Variants in MAGI1 observed in about 807,000 individuals in gnomAD.
The protein encoded by MAGI1 is membrane-associated guanylate kinase, WW and PDZ domain-containing protein 1.
In MAGI1, 58 loss-of-function variants were observed where a neutral mutation model predicts 139.9. That is an observed-to-expected ratio of 0.41 (90% confidence interval 0.34 to 0.52). MAGI1 has a LOEUF of 0.52. Among genes scored for constraint, MAGI1 ranks in the 20% least tolerant of loss-of-function variants. The probability of loss-of-function intolerance (pLI) is 0.12; values close to 1 mark genes in which losing one functional copy is unlikely to be tolerated. For synonymous variants in MAGI1, 812 were observed against 737.9 expected (o/e 1.10, Z -1.63); for missense variants, 1,874 against 1,901.6 (o/e 0.99, Z 0.27).
intron 9 of MAGI1, among the ~76,000 whole-genome samples, chr3:65,438,528 G>A (rs1405587491): frequency 6.6e-6 from 1 of 152,188 alleles, no homozygotes; most frequent in Non-Finnish European, 1.5e-5. Context: ...TATATGAGAA[G>A]AGTTCTTTTT....
chr3:65,737,119 C>T (rs1452509028), intron 1 of MAGI1, among the ~76,000 whole-genome samples: 6 of 152,178 alleles, frequency 3.9e-5, no homozygotes, highest in Non-Finnish European at 7.3e-5. Context: ...ATTCTCCTGC[C>T]TCAGCCTCCT....
At chr3:65,974,540 CT>C (rs1644933698) in intron 1 of MAGI1, among the ~76,000 whole-genome samples, 1 of 152,254 alleles carries the variant, frequency 6.6e-6, no homozygotes, top group East Asian at 1.9e-4. Context: ...CATTTATTAT[CT>C]GACAGTTTCT....
chr3:65,780,875 C>T (rs978947002), intron 1 of MAGI1, among the ~76,000 whole-genome samples: 3 of 152,222 alleles, frequency 2.0e-5, no homozygotes, highest in South Asian at 2.1e-4. Context: ...GCCATGACTA[C>T]GGGTGATTTT....
chr3:65,912,275 C>T (rs915805404), intron 1 of MAGI1, among the ~76,000 whole-genome samples: 12 of 146,130 alleles, frequency 8.2e-5, no homozygotes, highest in Admixed American at 6.9e-5. Context: ...CTAAATCATA[C>T]ACATCGTGTT....
At chr3:65,720,651 A>G (rs1440175072) in intron 1 of MAGI1, among the ~76,000 whole-genome samples, 1 of 152,166 alleles carries the variant, frequency 6.6e-6, no homozygotes, top group Non-Finnish European at 1.5e-5. Flanking sequence ...CTTCCCTTTC[A>G]TACCAAGTGG....
chr3:65,507,763 T>A (rs2077359479), intron 2 of MAGI1, among the ~76,000 whole-genome samples: 1 of 152,254 alleles, frequency 6.6e-6, no homozygotes, highest in Admixed American at 6.5e-5. Context: ...ATTCTCACAT[T>A]ATGTGGTACT....
intron 6 of MAGI1, among the ~76,000 whole-genome samples, chr3:65,449,774 C>CA (rs1197041096): frequency 6.6e-6 from 1 of 151,980 alleles, no homozygotes; most frequent in Non-Finnish European, 1.5e-5. Context: ...GACTCCATCT[C>CA]AAAAAACAGA....
intron 1 of MAGI1, among the ~76,000 whole-genome samples, chr3:65,773,865 A>G (rs373538032): frequency 3.3e-5 from 5 of 152,268 alleles, no homozygotes; most frequent in Admixed American, 6.5e-5. Context: ...TAAAATTTTT[A>G]TATCTCATTG....
intron 1 of MAGI1, among the ~76,000 whole-genome samples, chr3:65,675,479 A>T (rs565584796): frequency 2.0e-5 from 3 of 152,196 alleles, no homozygotes; most frequent in Non-Finnish European, 2.9e-5. Context: ...AACACAGAAA[A>T]AATTATTTAT....
intron 1 of MAGI1, among the ~76,000 whole-genome samples, chr3:65,627,954 T>C (rs1359979457): frequency 6.6e-6 from 1 of 152,186 alleles, no homozygotes; most frequent in Non-Finnish European, 1.5e-5. Context: ...TTGTATAATA[T>C]TCAATATTAA....
In MAGI1 at chr3:65,908,711, G is replaced by A. The variant is rs1191380516; in HGVS notation, c.313+129285C>T. On this transcript the variant is annotated intron_variant, in intron 1 of 22. Coordinates refer to ENST00000402939, the MANE Select transcript of MAGI1 (RefSeq NM_001033057.2). ...AAAACTAGTATCTGAGCTGTCCAGC[G>A]TAAAGGATATTAGGACTCCCTGGCC... is the stretch of plus-strand genomic sequence containing the variant. Among the ~76,000 whole-genome samples the A allele has an allele frequency of 2.6e-5, 4 of 152,286 alleles. No homozygotes were observed. In the East Asian group the frequency reaches 7.7e-4, roughly 29 times the overall value.
intron 1 of MAGI1, among the ~76,000 whole-genome samples, chr3:65,883,893 T>C (rs2060432477): frequency 6.6e-6 from 1 of 152,176 alleles, no homozygotes; most frequent in Non-Finnish European, 1.5e-5. Flanking sequence ...ACATTTCCTG[T>C]TCATCGAAAG....
At chr3:65,853,172 A>G (rs986523361) in intron 1 of MAGI1, among the ~76,000 whole-genome samples, 1 of 151,982 alleles carries the variant, frequency 6.6e-6, no homozygotes, top group Admixed American at 6.6e-5. Flanking sequence ...GTCTCAAGAA[A>G]AAAAAAAAAA....
At chr3:65,965,508 G>T (rs1452353670) in intron 1 of MAGI1, among the ~76,000 whole-genome samples, 1 of 152,106 alleles carries the variant, frequency 6.6e-6, no homozygotes, top group Non-Finnish European at 1.5e-5. Context: ...AAATGTTAGG[G>T]GGTGCTGAAG....
intron 2 of MAGI1, among the ~76,000 whole-genome samples, chr3:65,535,708 G>A (rs1329870005): frequency 6.6e-6 from 1 of 152,132 alleles, no homozygotes; most frequent in African/African-American, 2.4e-5. Flanking sequence ...GTAACTACAA[G>A]GGGATGATTC....
chr3:65,555,510 C>T (rs980167795), intron 2 of MAGI1, among the ~76,000 whole-genome samples: 1 of 152,080 alleles, frequency 6.6e-6, no homozygotes, highest in Non-Finnish European at 1.5e-5. Context: ...ATGCCTAGAA[C>T]ACTGCTTGAA....
intron 1 of MAGI1, among the ~76,000 whole-genome samples, chr3:65,976,864 A>C (rs2065292311): frequency 6.6e-6 from 1 of 152,176 alleles, no homozygotes; most frequent in South Asian, 2.1e-4. Flanking sequence ...CCCTAATTCA[A>C]ATTACATGCT....
At chr3:65,570,012 C>G (rs907965596) in intron 2 of MAGI1, among the ~76,000 whole-genome samples, 7 of 150,402 alleles carry the variant, frequency 4.7e-5, no homozygotes, top group Non-Finnish European at 7.4e-5. Flanking sequence ...AGGTAGTATA[C>G]TCTCTCAACC....
intron 1 of MAGI1, among the ~76,000 whole-genome samples, chr3:65,948,524 G>A (rs1456132403): frequency 3.3e-5 from 5 of 152,198 alleles, no homozygotes; most frequent in South Asian, 2.1e-4. Flanking sequence ...TCACTTGGCC[G>A]GCCTCATGAA....
Sources: allele counts gnomAD v4.1 joint callset (sites outside exome capture counted in the v4.1 genomes callset), GRCh38; gene constraint gnomAD v4.1.1; transcripts MANE v1.5; gene names NCBI Gene and HGNC (gene_info 2026-07-23, HGNC 2026-07-21).